The following CPQ variants were observed in gnomAD, a reference collection of about 807,000 sequenced individuals.
The protein encoded by CPQ is Ser-Met dipeptidase.
In CPQ, 37 loss-of-function variants were observed where a neutral mutation model predicts 45.7. The observed-to-expected ratio is 0.81, with a 90% CI of 0.62 to 1.07. CPQ has a LOEUF of 1.07. Ranked by LOEUF, CPQ falls within the 50% of genes least tolerant of loss-of-function variation. The pLI is 0.00. For synonymous variants in CPQ, 186 were observed against 205.8 expected, an observed-to-expected ratio of 0.90 and a Z score of 0.82; for missense variants, 537 against 572.9, an observed-to-expected ratio of 0.94 and a Z score of 0.64.
intron 1 of CPQ, among the ~76,000 whole-genome samples, chr8:96,734,159 A>G (rs1809947957): frequency 6.6e-6 from 1 of 152,162 alleles, no homozygotes; most frequent in Non-Finnish European, 1.5e-5. Context: ...GAGACACATC[A>G]TCTTCCTCAT....
intron 3 of CPQ, among the ~76,000 whole-genome samples, chr8:96,874,984 C>A (rs1211522954): frequency 6.6e-6 from 1 of 151,830 alleles, no homozygotes; most frequent in African/African-American, 2.4e-5. Context: ...CCACATCCTC[C>A]CCAATGCTTG....
At chr8:97,122,018 T>A (rs1811711869) in intron 7 of CPQ, among the ~76,000 whole-genome samples, 1 of 152,076 alleles carries the variant, frequency 6.6e-6, no homozygotes, top group Non-Finnish European at 1.5e-5. Context: ...GTCTCATTTT[T>A]AAATAAAAAT....
intron 4 of CPQ, among the ~76,000 whole-genome samples, chr8:96,906,741 A>G (rs1025047270): frequency 1.3e-5 from 2 of 152,024 alleles, no homozygotes; most frequent in African/African-American, 4.8e-5. Flanking sequence ...CCTCTTTTAT[A>G]AGGACACTAA....
intron 7 of CPQ, among the ~76,000 whole-genome samples, chr8:97,088,572 T>C (rs544189983): frequency 2.6e-5 from 4 of 152,194 alleles, no homozygotes; most frequent in Admixed American, 6.5e-5. Context: ...AGAATGAAAA[T>C]GTATCCGTTT....
At chr8:96,753,267 G>C (rs1810286240) in intron 1 of CPQ, among the ~76,000 whole-genome samples, 1 of 152,062 alleles carries the variant, frequency 6.6e-6, no homozygotes, top group Admixed American at 6.6e-5. Context: ...TAATTCGTCT[G>C]TTGATTCTTA....
intron 1 of CPQ, among the ~76,000 whole-genome samples, chr8:96,716,681 G>T (rs1809677648): frequency 6.6e-6 from 1 of 152,090 alleles, no homozygotes; most frequent in Non-Finnish European, 1.5e-5. Flanking sequence ...GCTGAGATGG[G>T]CAGATCACCT....
chr8:96,751,507 GT>G (rs1387576646), intron 1 of CPQ, among the ~76,000 whole-genome samples: 4 of 151,988 alleles, frequency 2.6e-5, no homozygotes, highest in Non-Finnish European at 5.9e-5. Flanking sequence ...TTGTAAATTT[GT>G]TTAAGTTCTT....
intron 7 of CPQ, among the ~76,000 whole-genome samples, chr8:97,122,965 A>AT (rs1192884217): frequency 1.9e-4 from 16 of 82,594 alleles, no homozygotes; most frequent in African/African-American, 8.1e-4. Context: ...ATAAAATAAA[A>AT]TAAAATAAAA....
chr8:96,891,812 T>A (rs531210162), intron 4 of CPQ, among the ~76,000 whole-genome samples: 4 of 152,304 alleles, frequency 2.6e-5, no homozygotes, highest in Admixed American at 2.0e-4. Context: ...AGGTGGTAAG[T>A]GCCACAGTAT....
chr8:96,855,734 T>A (rs1441877131), intron 3 of CPQ, among the ~76,000 whole-genome samples: 2 of 152,116 alleles, frequency 1.3e-5, no homozygotes, highest in Non-Finnish European at 2.9e-5. Context: ...AGAAACTAAG[T>A]AAGCAAATAA....
At chr8:96,649,369 A>T (rs1485697992) in intron 1 of CPQ, among the ~76,000 whole-genome samples, 2 of 152,204 alleles carry the variant, frequency 1.3e-5, no homozygotes, top group Admixed American at 1.3e-4. Context: ...TTTCAGAAGA[A>T]TTGGGGAAGG....
At chr8:96,698,722 T>TA (rs113866521) in intron 1 of CPQ, among the ~76,000 whole-genome samples, 3,684 of 151,884 alleles carry the variant, frequency 0.024, 164 homozygotes, top group African/African-American at 0.084. Flanking sequence ...CAAACAAGTG[T>TA]TGCAAAGGTG....
At chr8:96,957,555 C>G (rs777018589) in intron 4 of CPQ, among the ~76,000 whole-genome samples, 5 of 152,076 alleles carry the variant, frequency 3.3e-5, no homozygotes, top group Non-Finnish European at 5.9e-5. Flanking sequence ...TTAATCTCAG[C>G]ACTTTGGGAG....
At chr8:97,133,182 C>T in intron 7 of CPQ, 1 of 151,572 alleles carries the variant, frequency 6.6e-6, no homozygotes, top group South Asian at 2.1e-4. Flanking sequence ...CCTATATATA[C>T]TCTCTCTCCA....
intron 1 of CPQ, among the ~76,000 whole-genome samples, chr8:96,729,763 C>T (rs2130769372): frequency 6.6e-6 from 1 of 152,210 alleles, no homozygotes; most frequent in South Asian, 2.1e-4. Context: ...ACTGCAAATT[C>T]AAATTGCTCA....
chr8:96,816,734 T>G (rs938376903), intron 2 of CPQ, among the ~76,000 whole-genome samples: 1 of 152,154 alleles, frequency 6.6e-6, no homozygotes, highest in African/African-American at 2.4e-5. Flanking sequence ...AAAACAACAT[T>G]AATTTTCTTG....
chr8:97,039,546 A>C (rs1451117451), intron 6 of CPQ, among the ~76,000 whole-genome samples: 1 of 151,334 alleles, frequency 6.6e-6, no homozygotes, highest in Non-Finnish European at 1.5e-5. Flanking sequence ...GGTTAGTTAC[A>C]TATGTACACA....
intron 7 of CPQ, chr8:97,092,281 T>C (rs1038544026): frequency 1.3e-5 from 2 of 152,124 alleles, no homozygotes; most frequent in Non-Finnish European, 2.9e-5. Context: ...AATCATAAGG[T>C]TTAAAGGCTA....
Position 96,895,247 on chromosome 8 carries a change from A to C in CPQ, c.849+15242A>C, listed in dbSNP as rs1044438328. The stretch of plus-strand genomic sequence containing the variant: ...ATACCTACTCATTTGAAATAAAGAG[A>C]AAAGTGAAAAGAAGTTTTACTTGGA... On this transcript the variant is annotated intron_variant, in intron 4 of 7. Coordinates refer to ENST00000220763, the MANE Select transcript of CPQ (RefSeq NM_016134.4). Among the ~76,000 whole-genome samples, 5 of 152,198 alleles carry C rather than the reference A, an allele frequency of 3.3e-5. No homozygotes were observed. In the East Asian group the frequency reaches 9.6e-4, roughly 29 times the overall value.
Sources: gnomAD v4.1 joint callset for allele counts (sites outside exome capture counted in the v4.1 genomes callset) on GRCh38, gnomAD v4.1.1 for gene constraint, MANE v1.5 for transcripts, NCBI Gene and HGNC (gene_info 2026-07-23, HGNC 2026-07-21) for gene names.